CACNA2D3: variants seen among roughly 807,000 people sequenced by gnomAD.
CACNA2D3 encodes voltage-dependent calcium channel subunit alpha-2/delta-3.
In CACNA2D3, 60 loss-of-function variants were observed where a neutral mutation model predicts 160.6. The observed-to-expected ratio is 0.37, with a 90% CI of 0.30 to 0.46. The LOEUF is 0.46. Ranked by LOEUF, CACNA2D3 falls within the 20% of genes least tolerant of loss-of-function variation. The pLI is 1.00. For synonymous variants in CACNA2D3, 558 were observed against 492.9 expected (o/e 1.13, Z -1.75); for missense variants, 1,205 against 1,365.0 (o/e 0.88, Z 1.85).
At chr3:54,897,846 T>G (rs1310466441) in intron 26 of CACNA2D3, among the ~76,000 whole-genome samples, 1 of 152,210 alleles carries the variant, frequency 6.6e-6, no homozygotes, top group Non-Finnish European at 1.5e-5. Flanking sequence ...ATGGGCTCAT[T>G]AGGAAGACAG....
At chr3:54,569,723 A>G (rs1702464149) in intron 6 of CACNA2D3, 72 bp from the exon 7 acceptor site, 2 of 1,236,534 alleles carry the variant, frequency 1.6e-6, no homozygotes, top group Admixed American at 4.0e-5. Context: ...TCAGCAAAGT[A>G]GAGCAGCCTT....
At chr3:54,849,866 G>A (rs1699018989) in intron 17 of CACNA2D3, among the ~76,000 whole-genome samples, 1 of 152,160 alleles carries the variant, frequency 6.6e-6, no homozygotes, top group African/African-American at 2.4e-5. Context: ...GGAAAGAGGT[G>A]GGTTTCTCTG....
intron 4 of CACNA2D3, among the ~76,000 whole-genome samples, chr3:54,421,748 G>A (rs746270126): frequency 3.9e-5 from 6 of 152,168 alleles, no homozygotes; most frequent in Non-Finnish European, 7.4e-5. Context: ...ATGCATATGA[G>A]AAGAGGAGAT....
At chr3:54,919,197 T>C (rs998161911) in intron 27 of CACNA2D3, among the ~76,000 whole-genome samples, 2 of 152,230 alleles carry the variant, frequency 1.3e-5, no homozygotes, top group African/African-American at 4.8e-5. Context: ...GAAGGCACGC[T>C]GGGGGCCGAT....
chr3:54,378,916 A>G (rs888714043), intron 3 of CACNA2D3, among the ~76,000 whole-genome samples: 1 of 152,244 alleles, frequency 6.6e-6, no homozygotes, highest in Non-Finnish European at 1.5e-5. Context: ...TTGGCCATTC[A>G]CACTGATAAC....
At chr3:54,277,123 C>T (rs1269719223) in intron 2 of CACNA2D3, among the ~76,000 whole-genome samples, 1 of 152,216 alleles carries the variant, frequency 6.6e-6, no homozygotes, top group Non-Finnish European at 1.5e-5. Flanking sequence ...CAGGGAGGCC[C>T]CCACACGCTG....
At chr3:54,310,672 C>T (rs1374574543) in intron 2 of CACNA2D3, among the ~76,000 whole-genome samples, 3 of 152,058 alleles carry the variant, frequency 2.0e-5, no homozygotes, top group Non-Finnish European at 2.9e-5. Flanking sequence ...GTTGGTTGCA[C>T]GTTTCTTCTT....
At chr3:54,677,234 A>G (rs1407435843) in intron 11 of CACNA2D3, among the ~76,000 whole-genome samples, 1 of 152,236 alleles carries the variant, frequency 6.6e-6, no homozygotes, top group African/African-American at 2.4e-5. Flanking sequence ...ACTAGAAGGT[A>G]ACCTCAGCTG....
At chr3:54,747,317 C>G (rs912591495) in intron 11 of CACNA2D3, among the ~76,000 whole-genome samples, 1 of 152,112 alleles carries the variant, frequency 6.6e-6, no homozygotes, top group Non-Finnish European at 1.5e-5. Context: ...AGTTTGAGGA[C>G]TCTCACTGCC....
intron 3 of CACNA2D3, among the ~76,000 whole-genome samples, chr3:54,343,007 G>A (rs1451469067): frequency 6.6e-6 from 1 of 152,204 alleles, no homozygotes; most frequent in African/African-American, 2.4e-5. Context: ...GCCAGTGTGT[G>A]GGCAGACACC....
intron 30 of CACNA2D3, 53 bp from the exon 31 acceptor site, chr3:54,987,630 C>T: frequency 8.6e-7 from 1 of 1,167,126 alleles, no homozygotes; most frequent in Non-Finnish European, 1.2e-6. Flanking sequence ...TTCTTCTCTC[C>T]TGTTTGGGCA....
At chr3:54,607,266 A>G (rs1199814462) in intron 9 of CACNA2D3, among the ~76,000 whole-genome samples, 32 of 152,168 alleles carry the variant, frequency 2.1e-4, no homozygotes, top group Admixed American at 2.1e-3. Flanking sequence ...CCCTGAGGTC[A>G]TGCGGCACTA....
At chr3:54,714,508 C>A (rs555833497) in intron 11 of CACNA2D3, among the ~76,000 whole-genome samples, 1 of 152,258 alleles carries the variant, frequency 6.6e-6, no homozygotes, top group East Asian at 1.9e-4. Flanking sequence ...CAAGACTCTT[C>A]AGATTCCCAA....
chr3:54,811,881 T>C (rs2106702189), intron 13 of CACNA2D3, among the ~76,000 whole-genome samples: 1 of 152,338 alleles, frequency 6.6e-6, no homozygotes, highest in South Asian at 2.1e-4. Flanking sequence ...GCTCTCTGGC[T>C]TTGTGACCTT....
chr3:54,269,422 T>A (rs372689566), intron 2 of CACNA2D3, among the ~76,000 whole-genome samples: 17 of 152,274 alleles, frequency 1.1e-4, no homozygotes, highest in African/African-American at 4.1e-4. Context: ...TGTGTTTTAA[T>A]GAAGAATAAG....
chr3:54,894,128 C>A (rs1431069049), intron 25 of CACNA2D3, among the ~76,000 whole-genome samples: 2 of 152,134 alleles, frequency 1.3e-5, no homozygotes, highest in Non-Finnish European at 2.9e-5. Flanking sequence ...GAATCTAGAC[C>A]AGCCTGACAC....
chr3:54,716,170 G>A (rs1276586892), intron 11 of CACNA2D3, among the ~76,000 whole-genome samples: 2 of 152,224 alleles, frequency 1.3e-5, no homozygotes, highest in Admixed American at 6.5e-5. Context: ...ATAATACTAT[G>A]TTCCCATGTA....
intron 2 of CACNA2D3, among the ~76,000 whole-genome samples, chr3:54,188,048 C>T (rs762673121): frequency 1.2e-4 from 18 of 152,138 alleles, no homozygotes; most frequent in Non-Finnish European, 2.2e-4. Flanking sequence ...ACAGACAGAG[C>T]ATCAGGGGAT....
intron 2 of CACNA2D3, among the ~76,000 whole-genome samples, chr3:54,296,786 G>A (rs2107484703): frequency 6.6e-6 from 1 of 152,268 alleles, no homozygotes; most frequent in East Asian, 1.9e-4. Context: ...AGCCAACTGA[G>A]AGAAGGAGAC....
Sources: allele counts gnomAD v4.1 joint callset (sites outside exome capture counted in the v4.1 genomes callset), GRCh38; gene constraint gnomAD v4.1.1; transcripts MANE v1.5; gene names NCBI Gene and HGNC (gene_info 2026-07-23, HGNC 2026-07-21).